The following DNAJC15 variants were observed in gnomAD, a reference collection of about 807,000 sequenced individuals.
DNAJC15 encodes dnaJ homolog subfamily C member 15.
A neutral mutation model predicts 22.4 loss-of-function variants in DNAJC15; 27 were observed. The ratio of observed to expected loss-of-function variants is 1.20; its 90% CI spans 0.89 to 1.66. DNAJC15 has a LOEUF of 1.66. Ranked by LOEUF, DNAJC15 falls within the 40% of genes most tolerant of loss-of-function variation. The pLI is 0.00. For synonymous variants in DNAJC15, 79 were observed against 63.2 expected, an observed-to-expected ratio of 1.25 and a Z score of -1.19; for missense variants, 208 against 187.1, an observed-to-expected ratio of 1.11 and a Z score of -0.65.
At chr13:43,088,956 AAG>A (rs972549316) in intron 5 of DNAJC15, among the ~76,000 whole-genome samples, 1 of 152,052 alleles carries the variant, frequency 6.6e-6, no homozygotes, top group Admixed American at 6.5e-5. Context: ...TTTTTTGGTA[AAG>A]AGAAAATTTT....
intron 1 of DNAJC15, among the ~76,000 whole-genome samples, chr13:43,046,158 A>ATT (rs1242229911): frequency 7.1e-6 from 1 of 141,302 alleles, no homozygotes; most frequent in African/African-American, 2.6e-5. Flanking sequence ...GATTATCTTC[A>ATT]TTTTTTTTTT....
At chr13:43,052,084 C>G (rs770380288) in intron 1 of DNAJC15, among the ~76,000 whole-genome samples, 2 of 151,992 alleles carry the variant, frequency 1.3e-5, no homozygotes, top group African/African-American at 4.8e-5. Flanking sequence ...CCTGCCTCAG[C>G]CTGCCGAGTA....
chr13:43,052,199 G>A lies in DNAJC15; in HGVS notation c.109-13487G>A, dbSNP rs568705052. On this transcript the variant is annotated intron_variant, in intron 1 of 5. Transcript: ENST00000379221. ...AGGATGGTCTCGATCTCCTGACCTT[G>A]TGATACACCTGTCTCAGCCTCCCAA... Among the ~76,000 whole-genome samples, 387 of 151,966 alleles carry A rather than the reference G, an allele frequency of 2.5e-3. 5 individuals are homozygous for A. Among genetic ancestry groups the A allele is most frequent in the Non-Finnish European group, 1.4e-3 (94 of 67,940 alleles).
Position 43,067,586 on chromosome 13 carries a change from A to G in DNAJC15, c.161-1344A>G, listed in dbSNP as rs56194656. The stretch of plus-strand genomic sequence containing the variant: ...GGTGTGTGTATTCTTTATAGACCAC[A>G]CCATTCCCAAACTCGTATTACTGAC... On this transcript the variant is annotated intron_variant, in intron 2 of 5. Coordinates refer to ENST00000379221, the MANE Select transcript of DNAJC15 (RefSeq NM_013238.3). Among the ~76,000 whole-genome samples the G allele has an allele frequency of 8.0e-3, 1,225 of 152,314 alleles. 11 individuals carry two copies. The highest frequency in any genetic ancestry group is 0.036 in the South Asian group (175 of 4,830).
chr13:43,073,460 A>C (rs2040618021), intron 3 of DNAJC15, among the ~76,000 whole-genome samples: 1 of 145,040 alleles, frequency 6.9e-6, no homozygotes, highest in Non-Finnish European at 1.5e-5. Context: ...AAAAAGAGGC[A>C]TATGGTTCTC....
chr13:43,066,876 C>G (rs927122104), intron 2 of DNAJC15, among the ~76,000 whole-genome samples: 11 of 152,174 alleles, frequency 7.2e-5, no homozygotes, highest in Admixed American at 3.9e-4. Flanking sequence ...ACCTCGGCCT[C>G]CTAAAGGGCT....
intron 1 of DNAJC15, among the ~76,000 whole-genome samples, chr13:43,036,219 G>A (rs925031213): frequency 7.0e-6 from 1 of 142,950 alleles, no homozygotes; most frequent in Admixed American, 7.1e-5. Context: ...AGGCTGGAGT[G>A]CAGTGATGCA....
chr13:43,102,093 A>AT (rs1043785635), intron 5 of DNAJC15, among the ~76,000 whole-genome samples: 5 of 151,884 alleles, frequency 3.3e-5, no homozygotes, highest in South Asian at 2.1e-4. Flanking sequence ...AACATTTATA[A>AT]TTTTTTTTGA....
intron 1 of DNAJC15, among the ~76,000 whole-genome samples, chr13:43,038,679 C>T (rs1193781606): frequency 2.0e-5 from 3 of 151,766 alleles, no homozygotes; most frequent in African/African-American, 7.3e-5. Context: ...GTAGTACCAG[C>T]TACTCGGGAA....
At chr13:43,030,967 T>G (rs1300613411) in intron 1 of DNAJC15, among the ~76,000 whole-genome samples, 1 of 152,204 alleles carries the variant, frequency 6.6e-6, no homozygotes, top group African/African-American at 2.4e-5. Flanking sequence ...AAAAGTGAGT[T>G]GAATGAGTAG....
intron 1 of DNAJC15, among the ~76,000 whole-genome samples, chr13:43,043,663 CAT>C (rs2040464010): frequency 6.6e-6 from 1 of 152,144 alleles, no homozygotes; most frequent in Non-Finnish European, 1.5e-5. Context: ...TGTTTCCTAA[CAT>C]GTTTGGCCTC....
At position 43,085,831 on chromosome 13, in the gene DNAJC15, A is replaced by G. The variant is rs375767738; in HGVS notation, c.375A>G (p.Pro125=). 14 of 1,612,934 alleles carry G rather than the reference A, an allele frequency of 8.7e-6. No individual in the cohort carries two copies. The highest frequency in any genetic ancestry group is 1.6e-4 in the Middle Eastern group (1 of 6,072). ...AHRRVMILNH[P]DKGGSPYVAA... The stretch of plus-strand genomic sequence containing the variant: ...GGAGAGTCATGATTTTGAATCACCC[A>G]GATAAAGGTAGGTAGAATTCCTATT... The change falls in exon 5 of 6, where the codon CCA becomes CCG. Residue 125 remains proline, a synonymous_variant. Coordinates refer to ENST00000379221, the MANE Select transcript of DNAJC15 (RefSeq NM_013238.3).
intron 1 of DNAJC15, among the ~76,000 whole-genome samples, chr13:43,032,683 G>A (rs865894975): frequency 6.6e-6 from 1 of 152,014 alleles, no homozygotes; most frequent in South Asian, 2.1e-4. Flanking sequence ...AAATTAGCTG[G>A]GTGTGATGGT....
At chr13:43,107,051 A>G (rs2040800079) in intron 5 of DNAJC15, 127 bp from the exon 6 acceptor site, 1 of 707,134 alleles carries the variant, frequency 1.4e-6, no homozygotes, top group Non-Finnish European at 2.1e-6. Context: ...TAGTTAGCTT[A>G]TAAAATAATT....
chr13:43,049,960 C>G (rs2153440214), intron 1 of DNAJC15, among the ~76,000 whole-genome samples: 2 of 152,270 alleles, frequency 1.3e-5, no homozygotes, highest in East Asian at 1.9e-4. Flanking sequence ...CTCTGTGGCC[C>G]AGGCTGGAGT....
At chr13:43,092,491 T>C (rs758193756) in intron 5 of DNAJC15, among the ~76,000 whole-genome samples, 37 of 142,088 alleles carry the variant, frequency 2.6e-4, no homozygotes, top group African/African-American at 8.3e-4. Flanking sequence ...TATATACATA[T>C]ACACACACAC....
intron 5 of DNAJC15, among the ~76,000 whole-genome samples, chr13:43,104,640 G>C (rs117342278): frequency 0.012 from 1,813 of 152,002 alleles, 34 homozygotes; most frequent in African/African-American, 0.038. Context: ...CTAGAAAACT[G>C]AGAGGGGTTG....
intron 1 of DNAJC15, among the ~76,000 whole-genome samples, chr13:43,061,774 TCTACGCAG>T (rs1795878525): frequency 6.6e-6 from 1 of 152,232 alleles, no homozygotes. Flanking sequence ...GCCCCCATGA[TCTACGCAG>T]CTCCTGCCAA....
intron 5 of DNAJC15, among the ~76,000 whole-genome samples, chr13:43,095,820 C>A (rs962409267): frequency 5.9e-5 from 9 of 152,080 alleles, no homozygotes; most frequent in Non-Finnish European, 8.8e-5. Context: ...TTTTTCCACA[C>A]TGGAAGACTT....
Sources: gnomAD v4.1 joint callset for allele counts (sites outside exome capture counted in the v4.1 genomes callset) on GRCh38, gnomAD v4.1.1 for gene constraint, MANE v1.5 for transcripts, NCBI Gene and HGNC (gene_info 2026-07-23, HGNC 2026-07-21) for gene names.